TMEM25: variants seen among roughly 807,000 people sequenced by gnomAD.
TMEM25 encodes the protein transmembrane protein 25, also known as 0610039J01Rik.
In TMEM25, 36 loss-of-function variants were observed where a neutral mutation model predicts 37.0. The ratio of observed to expected loss-of-function variants is 0.97; its 90% CI spans 0.75 to 1.28. The LOEUF (loss-of-function observed/expected upper bound fraction) is 1.28. Ranked by LOEUF, TMEM25 falls within the 50% of genes most tolerant of loss-of-function variation. TMEM25 has a pLI of 0.00. For synonymous variants in TMEM25, 197 were observed against 203.7 expected (o/e 0.97, Z 0.28); for missense variants, 444 against 477.9 (o/e 0.93, Z 0.66).
chr11:118,539,164 A>ATTTTTTTT (rs1160816224), downstream of TMEM25, among the ~76,000 whole-genome samples: 3 of 100,594 alleles, frequency 3.0e-5, no homozygotes, highest in East Asian at 3.2e-4. Flanking sequence ...TTGGTCATAA[A>ATTTTTTTT]TTTTTTTTTT....
rs1335056069 is a variant in TMEM25 at position 118,533,056 on chromosome 11, C to T, written c.522C>T (p.Val174=). Residue 174 remains valine, a synonymous_variant, in exon 4 of 9, where the codon GTC becomes GTT. Coordinates refer to ENST00000313236, the MANE Select transcript of TMEM25 (RefSeq NM_032780.4). ...TCGACCAGGATGGGCCAGTGACTGT[C>T]AACACCTCTGACTTCCTGGTGCTGG... The part of the protein sequence containing the change: ...TWIDQDGPVT[V]NTSDFLVLDA... 1 of 1,614,066 alleles carries T rather than the reference C, an allele frequency of 6.2e-7. No individual in the cohort carries two copies. The highest frequency in any genetic ancestry group is 1.3e-5 in the African/African-American group (1 of 74,928).
At chr11:118,543,548 C>T (rs782198144) in intron 8 of TMEM25, among the ~76,000 whole-genome samples, 11 of 152,150 alleles carry the variant, frequency 7.2e-5, no homozygotes, top group African/African-American at 2.2e-4. Context: ...AGTGCAGTGG[C>T]GCGATCTTGG....
At chr11:118,540,950 GGA>G (rs1951570458) in intron 8 of TMEM25, among the ~76,000 whole-genome samples, 1 of 152,142 alleles carries the variant, frequency 6.6e-6, no homozygotes, top group Non-Finnish European at 1.5e-5. Context: ...GGGTCTGGGG[GGA>G]GGGCAGAATG....
chr11:118,538,779 G>T (rs1004145949), downstream of TMEM25, among the ~76,000 whole-genome samples: 1 of 151,720 alleles, frequency 6.6e-6, no homozygotes, highest in African/African-American at 2.4e-5. Flanking sequence ...TGCAATCCCA[G>T]CTACTTGGGA....
At chr11:118,537,772 C>T (rs564239963), downstream of TMEM25, among the ~76,000 whole-genome samples, 73 of 152,148 alleles carry the variant, frequency 4.8e-4, no homozygotes, top group African/African-American at 1.6e-3. Flanking sequence ...AATTACAGGC[C>T]GGGTGTGGTG....
intron 5 of TMEM25, 131 bp downstream of exon 5, chr11:118,533,682 G>A (rs959826804): frequency 1.8e-5 from 29 of 1,572,698 alleles, no homozygotes; most frequent in African/African-American, 9.4e-5. Context: ...CCATGGGTAC[G>A]GTGACATGCA....
chr11:118,532,780 C>T, intron 3 of TMEM25, 137 bp from the exon 4 acceptor site: 1 of 1,263,460 alleles, frequency 7.9e-7, no homozygotes, highest in Non-Finnish European at 1.1e-6. Flanking sequence ...GCCTCTCTGG[C>T]AGACCCAGCC....
At position 118,534,700 on chromosome 11, in the gene TMEM25, C is replaced by T; in HGVS notation, c.*120C>T. The T allele has an allele frequency of 1.3e-6, 2 of 1,503,316 alleles. No individual in the cohort carries two copies. Among genetic ancestry groups the T allele is most frequent in the Non-Finnish European group, 1.8e-6 (2 of 1,123,962 alleles). The allele number at this position is 1,503,316 out of a possible 1,614,324, so 93.1% of individuals were successfully genotyped here. ...GTTATGCCACTGCCACTTTTGCTTG[C>T]CCTCCTGGCTGGGGTGCCCTCCATG... On this transcript the variant is annotated 3_prime_UTR_variant, in exon 9 of 9. Coordinates refer to ENST00000313236, the MANE Select transcript of TMEM25 (RefSeq NM_032780.4). This position sits in a 1 kb window ranked among gnomAD's most constrained non-coding sequence, Gnocchi z 4.6.
At position 118,534,561 on chromosome 11, in the gene TMEM25, G is replaced by A. The variant is rs1951452324; in HGVS notation, c.1082G>A (p.Ser361Asn). Reference protein sequence around the residue: ...GYIYRVSSVSSDEIWL With the variant: ...GYIYRVSSVSNDEIWL ...ATCTATCGAGTGTCCAGCGTGAGCAGTGATGAGATCTGGCTCTGAGCCGAG... is the reference window on the plus strand; with the variant it reads ...ATCTATCGAGTGTCCAGCGTGAGCAATGATGAGATCTGGCTCTGAGCCGAG... The change falls in exon 9 of 9, where the codon AGT becomes AAT. Residue 361 changes from serine to asparagine, a missense_variant. Ser to Asn is a conservative substitution (Grantham distance 46). Transcript: ENST00000313236. This position sits in a 1 kb window ranked among gnomAD's most constrained non-coding sequence, Gnocchi z 4.6. 3.7e-6 allele frequency: 6 copies of A among 1,614,066 alleles called. No individual in the cohort carries two copies. The highest frequency in any genetic ancestry group is 4.2e-6 in the Non-Finnish European group (5 of 1,180,034).
chr11:118,532,759 T>G, intron 3 of TMEM25, 158 bp from the exon 4 acceptor site: 1 of 1,067,202 alleles, frequency 9.4e-7, no homozygotes, highest in Non-Finnish European at 1.3e-6. Context: ...TCATAATCAC[T>G]CCGAAATGCT....
Position 118,532,432 on chromosome 11 carries a change from C to T in TMEM25, c.353C>T (p.Ala118Val). 1 of 1,613,774 alleles carries T rather than the reference C, an allele frequency of 6.2e-7. No individual in the cohort carries two copies. The highest frequency in any genetic ancestry group is 8.5e-7 in the Non-Finnish European group (1 of 1,179,732). Residue 118 changes from alanine to valine, a missense_variant, in exon 3 of 9, where the codon GCC (alanine) becomes GTC (valine). Transcript: ENST00000313236. ...CAGGACCCCAGAAGTGGCCGATCAG[C>T]CAACGCCTCTGTCATCCTTAATGTG... ...SLQDPRSGRS[A>V]NASVILNVQF...
Position 118,535,605 on chromosome 11 carries a change from T to G in TMEM25, c.*1025T>G. The G allele has an allele frequency of 7.8e-6, 12 of 1,530,658 alleles. No individual in the cohort carries two copies. Among genetic ancestry groups the G allele is most frequent in the Non-Finnish European group, 1.0e-5 (12 of 1,145,302 alleles). The allele number at this position is 1,530,658 out of a possible 1,614,324, so 94.8% of individuals were successfully genotyped here. ...CTGGAGGATGGTCGCCACAGGCACA[T>G]AATTCAACAGTGTGGAAGCTTTAGG... On this transcript the variant is annotated 3_prime_UTR_variant, in exon 9 of 9. Transcript: ENST00000313236.
Position 118,534,443 on chromosome 11 carries a change from A to C in TMEM25, c.1028-64A>C. The C allele has an allele frequency of 1.2e-6, 2 of 1,611,080 alleles. No individual in the cohort carries two copies. Among genetic ancestry groups the C allele is most frequent in the Middle Eastern group, 1.7e-4 (1 of 5,726 alleles). On this transcript the variant is annotated intron_variant, in intron 8 of 8. Coordinates refer to ENST00000313236, the MANE Select transcript of TMEM25 (RefSeq NM_032780.4). The surrounding 1 kb of genome is among the most constrained non-coding windows in gnomAD (Gnocchi z 4.6). ...GCCTCCAAGTGCCCAGGAGGCAGAG[A>C]GAGCTCTCCAAATTCCAAGGAACAA...
intron 4 of TMEM25, 86 bp downstream of exon 4, chr11:118,533,293 C>A: frequency 6.4e-7 from 1 of 1,563,024 alleles, no homozygotes; most frequent in Non-Finnish European, 8.6e-7. Context: ...TACTTGTTGC[C>A]CTGTGGTTGG....
At chr11:118,535,877 GTTTTA>G (rs1345231303), downstream of TMEM25, 15 of 1,071,574 alleles carry the variant, frequency 1.4e-5, no homozygotes, top group Admixed American at 2.1e-4. Flanking sequence ...TTTTGTTTTT[GTTTTA>G]TTTTGTTTCG....
chr11:118,532,784 C>A, intron 3 of TMEM25, 133 bp from the exon 4 acceptor site: 1 of 1,303,604 alleles, frequency 7.7e-7, no homozygotes, highest in Non-Finnish European at 1.0e-6. Context: ...CTCTGGCAGA[C>A]CCAGCCATCC....
At chr11:118,543,032 C>A (rs1445810293) in intron 8 of TMEM25, among the ~76,000 whole-genome samples, 2 of 151,986 alleles carry the variant, frequency 1.3e-5, no homozygotes, top group African/African-American at 4.8e-5. Context: ...ATGAGGTCAG[C>A]AGATTGAGAC....
chr11:118,535,233 A>G lies in TMEM25; in HGVS notation c.*653A>G, dbSNP rs914743382. ...CTAGGTTACACGTTGGACCTTCTCT[A>G]CTACTTCACTGGGCACTAGACTTTT... On this transcript the variant is annotated 3_prime_UTR_variant, in exon 9 of 9. Coordinates refer to ENST00000313236, the MANE Select transcript of TMEM25 (RefSeq NM_032780.4). The G allele has an allele frequency of 5.3e-6, 6 of 1,140,462 alleles. No homozygotes were observed. Among genetic ancestry groups the G allele is most frequent in the African/African-American group, 1.6e-5 (1 of 62,702 alleles). 70.6% of individuals were successfully genotyped at this position (1,140,462 alleles called of 1,614,324 possible).
In TMEM25 at chr11:118,531,241, C is replaced by G. The variant is rs1454872247; in HGVS notation, c.-28+7C>G. ...CGCTCGGGGAGGGAGCCAGGTGAGCCGCCCCGGTGGCGGGGGGCGGGGGCG... is the reference window on the plus strand; with the variant it reads ...CGCTCGGGGAGGGAGCCAGGTGAGCGGCCCCGGTGGCGGGGGGCGGGGGCG... On this transcript the variant is annotated splice_region_variant and intron_variant, in intron 1 of 8. Coordinates refer to ENST00000313236, the MANE Select transcript of TMEM25 (RefSeq NM_032780.4). 13 of 405,234 alleles carry G rather than the reference C, an allele frequency of 3.2e-5. No individual in the cohort carries two copies. Among genetic ancestry groups the G allele is most frequent in the Non-Finnish European group, 5.8e-5 (13 of 223,534 alleles). The allele number at this position is 405,234 out of a possible 1,614,324, so 25.1% of individuals were successfully genotyped here.
Sources: gnomAD v4.1 joint callset for allele counts (sites outside exome capture counted in the v4.1 genomes callset) on GRCh38, gnomAD v4.1.1 for gene constraint, Gnocchi (gnomAD v3.1) non-coding constraint, MANE v1.5 for transcripts, NCBI Gene and HGNC (gene_info 2026-07-23, HGNC 2026-07-21) for gene names.